The following FAM184B variants were observed in gnomAD, a reference collection of about 807,000 sequenced individuals.
FAM184B encodes the protein protein FAM184B.
FAM184B carries 111 observed loss-of-function variants against 135.9 expected under a neutral mutation model. The ratio of observed to expected loss-of-function variants is 0.82; its 90% CI spans 0.70 to 0.96. The LOEUF is 0.96. Ranked by LOEUF, FAM184B falls within the 40% of genes least tolerant of loss-of-function variation. The probability of loss-of-function intolerance (pLI) is 0.00; values close to 1 mark genes in which losing one functional copy is unlikely to be tolerated. For missense variants in FAM184B, 1,375 were observed against 1,323.9 expected, an observed-to-expected ratio of 1.04 and a Z score of -0.60; for synonymous variants, 552 against 524.8, an observed-to-expected ratio of 1.05 and a Z score of -0.71.
Position 17,634,898 on chromosome 4 carries a change from A to G in FAM184B, c.2889+111T>C, listed in dbSNP as rs905640911. ...TAAACAAGTGGGTTTTTTTTTTCCAATGAATATTTTTCTGAGCGTACACCA... is the reference window on the plus strand; with the variant it reads ...TAAACAAGTGGGTTTTTTTTTTCCAGTGAATATTTTTCTGAGCGTACACCA... On this transcript the variant is annotated intron_variant, in intron 16 of 17. Transcript: ENST00000265018. The G allele has an allele frequency of 2.0e-4, 131 of 648,796 alleles. No homozygotes were observed. In the African/African-American group the frequency reaches 2.2e-3, roughly 11 times the overall value. The allele number at this position is 648,796 out of a possible 1,614,324, so 40.2% of individuals were successfully genotyped here. A position where few individuals can be genotyped will look rare whatever the true frequency, so the allele number is the denominator to read the frequency against.
chr4:17,747,044 C>CA (rs11342758), intron 1 of FAM184B, among the ~76,000 whole-genome samples: 4,307 of 98,400 alleles, frequency 0.044, 225 homozygotes, highest in African/African-American at 0.14. Flanking sequence ...GACTCCATCT[C>CA]AAAAAAAAAA....
At chr4:17,642,940 G>A (rs1715364857) in intron 12 of FAM184B, among the ~76,000 whole-genome samples, 1 of 152,226 alleles carries the variant, frequency 6.6e-6, no homozygotes, top group African/African-American at 2.4e-5. Flanking sequence ...CCGACCACTT[G>A]TGCATGTATT....
chr4:17,773,712 G>C (rs548893878), intron 1 of FAM184B, among the ~76,000 whole-genome samples: 1 of 152,234 alleles, frequency 6.6e-6, no homozygotes, highest in African/African-American at 2.4e-5. Flanking sequence ...TGAGTAGCTG[G>C]GATTACAGGC....
At position 17,682,927 on chromosome 4, in the gene FAM184B, GT is replaced by G. The variant is rs1716482301; in HGVS notation, c.1596+5496del. Among the ~76,000 whole-genome samples, 5 of 152,198 alleles carry G rather than the reference GT, an allele frequency of 3.3e-5. No homozygotes were observed. In the South Asian group the frequency reaches 1.0e-3, roughly 31 times the overall value. Reference sequence around the variant, plus strand: ...CAGCAGGAACATCACTGGGGAAGTTGTCATTTAATATCCTGTTCTGATGCCC... The same window carrying G: ...CAGCAGGAACATCACTGGGGAAGTTGCATTTAATATCCTGTTCTGATGCCC... On this transcript the variant is annotated intron_variant, in intron 7 of 17. Transcript: ENST00000265018.
chr4:17,664,447 A>G (rs1577252574), intron 8 of FAM184B, 115 bp downstream of exon 8: 6 of 781,078 alleles, frequency 7.7e-6, no homozygotes, highest in Non-Finnish European at 1.0e-5. Flanking sequence ...CTCCCCAAGC[A>G]TGCTGCAAGG....
intron 12 of FAM184B, among the ~76,000 whole-genome samples, chr4:17,644,173 T>C (rs1715401082): frequency 6.6e-6 from 1 of 152,212 alleles, no homozygotes; most frequent in South Asian, 2.1e-4. Flanking sequence ...TGGAAGCTTT[T>C]CAATGCCAAG....
intron 1 of FAM184B, among the ~76,000 whole-genome samples, chr4:17,760,872 G>C (rs193034056): frequency 6.0e-4 from 92 of 152,306 alleles, no homozygotes; most frequent in Non-Finnish European, 1.5e-4. Context: ...GTTGAGTCGT[G>C]CTGTAGAGAA....
intron 3 of FAM184B, among the ~76,000 whole-genome samples, chr4:17,706,420 T>C (rs1231398707): frequency 1.3e-5 from 2 of 152,116 alleles, no homozygotes; most frequent in African/African-American, 2.4e-5. Context: ...GCCTGGGCCA[T>C]GTCTAGATAC....
chr4:17,750,328 T>C (rs1718265728), intron 1 of FAM184B, among the ~76,000 whole-genome samples: 1 of 152,264 alleles, frequency 6.6e-6, no homozygotes, highest in Non-Finnish European at 1.5e-5. Context: ...GTTTTAATCC[T>C]ATGAACTTTA....
rs542974016 is a variant in FAM184B, at chr4:17,675,240, T to G, written c.1597-10581A>C. 2.6e-5 allele frequency among the ~76,000 whole-genome samples: 4 copies of G among 152,340 alleles called. No individual in the cohort carries two copies. In the South Asian group the frequency reaches 8.3e-4, roughly 32 times the overall value. On this transcript the variant is annotated intron_variant, in intron 7 of 17. Coordinates refer to ENST00000265018, the MANE Select transcript of FAM184B (RefSeq NM_015688.2). ...ATTCCTTGATCTATGAGCTACAGAATGAGTATTGTGTCAGCAGGCATGAAA... is the reference window on the plus strand; with the variant it reads ...ATTCCTTGATCTATGAGCTACAGAAGGAGTATTGTGTCAGCAGGCATGAAA...
rs370827552 is a variant in FAM184B, at chr4:17,633,850, G to A, written c.2928C>T (p.Ser976=). Residue 976 remains serine (S), a synonymous_variant, in exon 17 of 18, where the codon AGC becomes AGT. Coordinates refer to ENST00000265018, the MANE Select transcript of FAM184B (RefSeq NM_015688.2). ...TTGCATAGGAGGCGAGGTTCGGCAC[G>A]CTGACCACGCGGCTGGGCACGTCCT... The part of the protein sequence containing the change: ...KVEDVPSRVV[S]VPNLASYAKN... 1.6e-4 allele frequency: 254 copies of A among 1,550,962 alleles called. No homozygotes were observed. The highest frequency in any genetic ancestry group is 2.1e-4 in the Non-Finnish European group (240 of 1,146,782).
chr4:17,705,494 A>G (rs966149379), intron 4 of FAM184B, among the ~76,000 whole-genome samples: 3 of 152,220 alleles, frequency 2.0e-5, no homozygotes, highest in African/African-American at 7.2e-5. Context: ...GGAACATGCA[A>G]TGAGATCCTA....
chr4:17,636,697 A>C, intron 14 of FAM184B, 52 bp from the exon 15 acceptor site: 16 of 1,356,100 alleles, frequency 1.2e-5, no homozygotes, highest in African/African-American at 1.5e-5. Flanking sequence ...TTACTCAACA[A>C]AGAGGGAGAA....
At chr4:17,739,663 T>C (rs1717986620) in intron 1 of FAM184B, among the ~76,000 whole-genome samples, 1 of 146,194 alleles carries the variant, frequency 6.8e-6, no homozygotes, top group Non-Finnish European at 1.5e-5. Flanking sequence ...CAAGTGATTC[T>C]CCTGCCTCAG....
At chr4:17,683,888 C>G (rs957679459) in intron 7 of FAM184B, among the ~76,000 whole-genome samples, 5 of 151,612 alleles carry the variant, frequency 3.3e-5, no homozygotes, top group Non-Finnish European at 7.4e-5. Flanking sequence ...CCAGCCTGGA[C>G]AGCATGATGA....
At chr4:17,706,451 A>T (rs1717120376) in intron 3 of FAM184B, among the ~76,000 whole-genome samples, 1 of 152,114 alleles carries the variant, frequency 6.6e-6, no homozygotes, top group Non-Finnish European at 1.5e-5. Flanking sequence ...TGTGGGCCGT[A>T]AGGTACAGGC....
chr4:17,674,218 C>A (rs1716259388), intron 7 of FAM184B, among the ~76,000 whole-genome samples: 1 of 151,982 alleles, frequency 6.6e-6, no homozygotes, highest in South Asian at 2.1e-4. Flanking sequence ...ACAAGCATAC[C>A]TCAGAGATAT....
At chr4:17,729,660 G>T (rs574773146) in intron 1 of FAM184B, among the ~76,000 whole-genome samples, 76 of 152,370 alleles carry the variant, frequency 5.0e-4, no homozygotes, top group Non-Finnish European at 8.8e-4. Flanking sequence ...AACAGGGTCT[G>T]GAGTGGACCT....
intron 1 of FAM184B, among the ~76,000 whole-genome samples, chr4:17,738,723 C>T (rs1311000388): frequency 6.6e-6 from 1 of 152,076 alleles, no homozygotes. Context: ...TGAAATTTGA[C>T]CCCAGTGTTG....
Sources: allele counts gnomAD v4.1 joint callset (sites outside exome capture counted in the v4.1 genomes callset), GRCh38; gene constraint gnomAD v4.1.1; transcripts MANE v1.5; gene names NCBI Gene and HGNC (gene_info 2026-07-23, HGNC 2026-07-21).